ATRNL1: variants seen among roughly 807,000 people sequenced by gnomAD.
The protein encoded by ATRNL1 is attractin-like protein 1.
In ATRNL1, 95 loss-of-function variants were observed where a neutral mutation model predicts 182.7. The observed-to-expected ratio is 0.52, with a 90% CI of 0.44 to 0.62. The LOEUF is 0.62. Ranked by LOEUF, ATRNL1 falls within the 20% of genes least tolerant of loss-of-function variation. ATRNL1 has a pLI of 0.00. For synonymous variants in ATRNL1, 576 were observed against 568.3 expected (o/e 1.01, Z -0.19); for missense variants, 1,471 against 1,679.5 (o/e 0.88, Z 2.17).
intron 27 of ATRNL1, among the ~76,000 whole-genome samples, 175 bp from the exon 28 acceptor site, chr10:115,847,702 A>G (rs1950961834): frequency 6.6e-6 from 1 of 152,194 alleles, no homozygotes; most frequent in Admixed American, 6.6e-5. Flanking sequence ...GATTTATTCA[A>G]GTGTAGGCCA....
chr10:115,804,555 G>A (rs376024483), intron 27 of ATRNL1, among the ~76,000 whole-genome samples: 1 of 152,170 alleles, frequency 6.6e-6, no homozygotes, highest in Non-Finnish European at 1.5e-5. Context: ...GAACCTACTG[G>A]TGCCTTGATC....
intron 26 of ATRNL1, among the ~76,000 whole-genome samples, chr10:115,560,159 A>C (rs1362866957): frequency 6.6e-6 from 1 of 152,232 alleles, no homozygotes; most frequent in African/African-American, 2.4e-5. Flanking sequence ...TAAAATACAC[A>C]GGAACAAACT....
intron 28 of ATRNL1, among the ~76,000 whole-genome samples, chr10:115,862,595 T>C (rs1034018468): frequency 1.3e-5 from 2 of 152,196 alleles, no homozygotes; most frequent in Non-Finnish European, 2.9e-5. Context: ...AACCTAGTGC[T>C]GGGAAGAATG....
intron 26 of ATRNL1, among the ~76,000 whole-genome samples, chr10:115,587,639 C>G (rs1855634000): frequency 1.3e-5 from 2 of 152,004 alleles, no homozygotes. Context: ...CGTGCACCCA[C>G]TGACCTGCAC....
intron 14 of ATRNL1, among the ~76,000 whole-genome samples, chr10:115,283,544 T>C (rs1852470431): frequency 6.6e-6 from 1 of 152,148 alleles, no homozygotes; most frequent in Admixed American, 6.5e-5. Context: ...TTGAGAAAGA[T>C]AGTATTAATA....
intron 27 of ATRNL1, among the ~76,000 whole-genome samples, chr10:115,785,891 C>T (rs1170666762): frequency 1.3e-5 from 2 of 152,188 alleles, no homozygotes; most frequent in East Asian, 3.9e-4. Flanking sequence ...TCACCTTCCA[C>T]ACAACACAAT....
intron 27 of ATRNL1, among the ~76,000 whole-genome samples, chr10:115,750,601 T>G (rs1237729844): frequency 6.6e-6 from 1 of 151,942 alleles, no homozygotes; most frequent in African/African-American, 2.4e-5. Context: ...AGGAAAAGGC[T>G]AATAAAGGTG....
At chr10:115,345,821 G>A (rs538493929) in intron 19 of ATRNL1, among the ~76,000 whole-genome samples, 80 of 152,250 alleles carry the variant, frequency 5.3e-4, no homozygotes, top group African/African-American at 1.9e-3. Flanking sequence ...TTATATTCTA[G>A]ATATTTCATA....
intron 27 of ATRNL1, among the ~76,000 whole-genome samples, chr10:115,739,275 A>G (rs1948070974): frequency 6.6e-6 from 1 of 152,210 alleles, no homozygotes; most frequent in African/African-American, 2.4e-5. Flanking sequence ...CAGCTGAATC[A>G]ATCTAGCATA....
chr10:115,190,006 G>A (rs2056405218), intron 8 of ATRNL1, among the ~76,000 whole-genome samples: 1 of 152,064 alleles, frequency 6.6e-6, no homozygotes, highest in African/African-American at 2.4e-5. Flanking sequence ...ATTACCTACA[G>A]TATTCAGTAC....
chr10:115,607,326 G>A (rs150111533), intron 26 of ATRNL1, among the ~76,000 whole-genome samples: 135 of 151,800 alleles, frequency 8.9e-4, no homozygotes, highest in African/African-American at 2.8e-3. Flanking sequence ...ACTTGAGATA[G>A]ACTCTAGAAT....
chr10:115,580,607 C>T (rs889630555), intron 26 of ATRNL1, among the ~76,000 whole-genome samples: 1 of 151,992 alleles, frequency 6.6e-6, no homozygotes, highest in Non-Finnish European at 1.5e-5. Context: ...CTGAGGTTTG[C>T]TGAATCTGGA....
At chr10:115,285,608 A>T (rs1257041553) in intron 14 of ATRNL1, among the ~76,000 whole-genome samples, 2 of 152,102 alleles carry the variant, frequency 1.3e-5, no homozygotes, top group Non-Finnish European at 2.9e-5. Context: ...ATTACTGAAC[A>T]GTATGTTTCA....
chr10:115,707,564 A>T (rs10885779), intron 26 of ATRNL1, among the ~76,000 whole-genome samples: 70,085 of 151,414 alleles, frequency 0.46, 16,955 homozygotes, highest in East Asian at 0.72. Flanking sequence ...TTGTATTTTA[A>T]ATATATGTGT....
At chr10:115,520,098 C>T (rs1280234565) in intron 25 of ATRNL1, among the ~76,000 whole-genome samples, 1 of 152,084 alleles carries the variant, frequency 6.6e-6, no homozygotes. Flanking sequence ...ACAAATTAGA[C>T]AAATATGACT....
chr10:115,439,990 A>G (rs2134442782), intron 21 of ATRNL1, among the ~76,000 whole-genome samples: 1 of 152,044 alleles, frequency 6.6e-6, no homozygotes, highest in African/African-American at 2.4e-5. Context: ...CTCCTTCCTC[A>G]TTAATTTGTT....
At chr10:115,117,476 C>T (rs533735455) in intron 1 of ATRNL1, among the ~76,000 whole-genome samples, 1 of 152,188 alleles carries the variant, frequency 6.6e-6, no homozygotes, top group South Asian at 2.1e-4. Context: ...CTGTGCCTGG[C>T]TTATTTCACG....
At chr10:115,372,402 A>G (rs576350692) in intron 19 of ATRNL1, among the ~76,000 whole-genome samples, 50 of 152,066 alleles carry the variant, frequency 3.3e-4, no homozygotes, top group African/African-American at 1.0e-3. Flanking sequence ...TTTTTTGTCT[A>G]TTTTTAAGCT....
intron 26 of ATRNL1, among the ~76,000 whole-genome samples, chr10:115,690,493 T>A (rs1555047760): frequency 6.6e-6 from 1 of 152,104 alleles, no homozygotes; most frequent in Non-Finnish European, 1.5e-5. Flanking sequence ...ACTGTTCATC[T>A]CTTGCTGTGT....
Sources: allele counts gnomAD v4.1 joint callset (sites outside exome capture counted in the v4.1 genomes callset), GRCh38; gene constraint gnomAD v4.1.1; transcripts MANE v1.5; gene names NCBI Gene and HGNC (gene_info 2026-07-23, HGNC 2026-07-21).